The following SLIT2 variants were observed in gnomAD, a reference collection of about 807,000 sequenced individuals.
The protein encoded by SLIT2 is slit guidance ligand 2, also known as slit homolog 2 protein.
Under a neutral mutation model 185.7 loss-of-function variants are expected in SLIT2, and 41 were observed. That is an observed-to-expected ratio of 0.22 (90% CI 0.17 to 0.29). The LOEUF (loss-of-function observed/expected upper bound fraction) is 0.29, where lower values mean the gene tolerates loss of function less well. Among genes scored for constraint, SLIT2 ranks in the 10% least tolerant of loss-of-function variants. The pLI is 1.00. For synonymous variants in SLIT2, 693 were observed against 680.2 expected (o/e 1.02, Z -0.29); for missense variants, 1,571 against 1,909.0 (o/e 0.82, Z 3.30).
intron 29 of SLIT2, among the ~76,000 whole-genome samples, chr4:20,583,383 A>G (rs1382859088): frequency 1.3e-5 from 2 of 152,230 alleles, no homozygotes; most frequent in East Asian, 3.8e-4. Context: ...AGAGCTTTGT[A>G]GAATAGTTCT....
chr4:20,576,790 C>T (rs1372528635), intron 29 of SLIT2, among the ~76,000 whole-genome samples: 1 of 152,052 alleles, frequency 6.6e-6, no homozygotes, highest in Non-Finnish European at 1.5e-5. Context: ...CCATTGAGCC[C>T]AGAACAACAA....
At position 20,251,935 on chromosome 4, in the gene SLIT2, G is replaced by C. The variant is rs1233797451; in HGVS notation, c.-1881G>C. On this transcript the variant is annotated 5_prime_UTR_variant, in exon 1 of 37. Transcript: ENST00000504154. ...GTGTTATTTATTTGGGAAGCGCCCG[G>C]ACGGCGGAGCTTGGCGGCGGCGGTG... Among the ~76,000 whole-genome samples the C allele has an allele frequency of 6.6e-6, 1 of 152,162 alleles. No homozygotes were observed. Among genetic ancestry groups the C allele is most frequent in the Non-Finnish European group, 1.5e-5 (1 of 68,022 alleles).
At chr4:20,534,499 C>T (rs764247460) in intron 18 of SLIT2, among the ~76,000 whole-genome samples, 1 of 152,124 alleles carries the variant, frequency 6.6e-6, no homozygotes, top group Admixed American at 6.5e-5. Flanking sequence ...CATACAAACA[C>T]GCATATACAC....
chr4:20,395,093 G>T (rs1455633297), intron 4 of SLIT2, among the ~76,000 whole-genome samples: 1 of 151,968 alleles, frequency 6.6e-6, no homozygotes, highest in Non-Finnish European at 1.5e-5. Flanking sequence ...GATGGAAATA[G>T]ATTTACCTTA....
intron 4 of SLIT2, among the ~76,000 whole-genome samples, chr4:20,388,049 A>C (rs1317950012): frequency 6.6e-6 from 1 of 152,194 alleles, no homozygotes; most frequent in Non-Finnish European, 1.5e-5. Flanking sequence ...CCTTCATAAA[A>C]ATCTTCATGA....
rs1725181470 is a variant in SLIT2, at chr4:20,567,395, A to C, written c.2850+9A>C. ...GTCCATATGGTTTCAAGGTAAGTAA[A>C]AGCACTTTAAGAGTCACAGTTTGAG... On this transcript the variant is annotated intron_variant, in intron 27 of 36. Coordinates refer to ENST00000504154, the MANE Select transcript of SLIT2 (RefSeq NM_004787.4). The C allele has an allele frequency of 6.2e-7, 1 of 1,613,078 alleles. No individual in the cohort carries two copies. Among genetic ancestry groups the C allele is most frequent in the Non-Finnish European group, 8.5e-7 (1 of 1,179,360 alleles).
chr4:20,276,143 C>T (rs1364485841), intron 4 of SLIT2, among the ~76,000 whole-genome samples: 1 of 151,968 alleles, frequency 6.6e-6, no homozygotes, highest in Non-Finnish European at 1.5e-5. Flanking sequence ...TGTCAAAATC[C>T]AGTAAAAATT....
At chr4:20,532,822 T>A (rs1315909111) in intron 17 of SLIT2, among the ~76,000 whole-genome samples, 3 of 152,244 alleles carry the variant, frequency 2.0e-5, no homozygotes, top group Non-Finnish European at 4.4e-5. Flanking sequence ...TTCACTGTTA[T>A]GAAATGTACT....
chr4:20,505,692 A>G (rs1025645141), intron 9 of SLIT2, among the ~76,000 whole-genome samples: 13 of 152,116 alleles, frequency 8.5e-5, no homozygotes, highest in Non-Finnish European at 1.9e-4. Context: ...TGGCAGAATT[A>G]GACTTCATTG....
In SLIT2 at chr4:20,440,634, T is replaced by G. The variant is rs190210346; in HGVS notation, c.396-27118T>G. Among the ~76,000 whole-genome samples the G allele has an allele frequency of 1.6e-3, 243 of 152,350 alleles. 2 individuals carry two copies. The highest frequency in any genetic ancestry group is 1.3e-3 in the Non-Finnish European group (88 of 68,040). ...AATAATCTCATCTGTTTAATGACAT[T>G]GTTTAAACAAAATTACCTCTGAATT... is the stretch of plus-strand genomic sequence containing the variant. On this transcript the variant is annotated intron_variant, in intron 4 of 36. Coordinates refer to ENST00000504154, the MANE Select transcript of SLIT2 (RefSeq NM_004787.4).
chr4:20,513,230 G>C (rs188723278), intron 11 of SLIT2, among the ~76,000 whole-genome samples: 1 of 152,280 alleles, frequency 6.6e-6, no homozygotes, highest in East Asian at 1.9e-4. Context: ...TAAGTCACTG[G>C]GGTTTTTCCA....
intron 4 of SLIT2, among the ~76,000 whole-genome samples, chr4:20,334,205 G>A (rs1031195750): frequency 6.6e-6 from 1 of 152,112 alleles, no homozygotes; most frequent in Admixed American, 6.6e-5. Context: ...AACTTTGGAG[G>A]CCACAATCGT....
intron 34 of SLIT2, among the ~76,000 whole-genome samples, chr4:20,611,277 A>AT (rs960838094): frequency 6.6e-6 from 1 of 152,246 alleles, no homozygotes; most frequent in Admixed American, 6.5e-5. Context: ...AGCCTAGGAC[A>AT]TTTCTGTTTT....
intron 11 of SLIT2, among the ~76,000 whole-genome samples, chr4:20,518,083 GTA>G (rs533312464): frequency 7.5e-6 from 1 of 132,694 alleles, no homozygotes; most frequent in Admixed American, 7.6e-5. Context: ...ATATGTGTGT[GTA>G]TATATATATA....
intron 4 of SLIT2, among the ~76,000 whole-genome samples, chr4:20,273,141 A>G (rs2109037918): frequency 6.6e-6 from 1 of 152,226 alleles, no homozygotes; most frequent in East Asian, 1.9e-4. Flanking sequence ...TAACAAATAT[A>G]TATAATTAAG....
Position 20,253,467 on chromosome 4 carries a change from G to A in SLIT2, c.-349G>A. The A allele has an allele frequency of 3.2e-6, 1 of 308,710 alleles. No homozygotes were observed. The highest frequency in any genetic ancestry group is 4.7e-5 in the Admixed American group (1 of 21,474). 19.1% of individuals were successfully genotyped at this position (308,710 alleles called of 1,614,324 possible). A position where few individuals can be genotyped will look rare whatever the true frequency, so the allele number is the denominator to read the frequency against. On this transcript the variant is annotated 5_prime_UTR_variant, in exon 1 of 37. Transcript: ENST00000504154. ...CCCTGCATCTTAGCAGCCGTTGGAA[G>A]CCCCAGCTCTTTTACCGCCAAGTTC...
chr4:20,542,758 T>A, intron 21 of SLIT2, 132 bp downstream of exon 21: 1 of 982,150 alleles, frequency 1.0e-6, no homozygotes, highest in Non-Finnish European at 1.5e-6. Context: ...ATTATTATCC[T>A]GTAAAATGGT....
Position 20,518,494 on chromosome 4 carries a change from C to T in SLIT2, c.1059-888C>T, listed in dbSNP as rs541192586. ...ATCTCGATCTCCTGACCTCGTGATC[C>T]GCCGGCCTCGGCCTCCCAAAGTGCT... On this transcript the variant is annotated intron_variant, in intron 11 of 36. Coordinates refer to ENST00000504154, the MANE Select transcript of SLIT2 (RefSeq NM_004787.4). Among the ~76,000 whole-genome samples the T allele has an allele frequency of 2.2e-3, 267 of 123,466 alleles. 5 individuals carry two copies. In the South Asian group the frequency reaches 0.059, roughly 27 times the overall value. 81.0% of individuals were successfully genotyped at this position (123,466 alleles called of 152,430 possible).
chr4:20,290,714 A>G (rs1176817741), intron 4 of SLIT2, among the ~76,000 whole-genome samples: 2 of 149,848 alleles, frequency 1.3e-5, no homozygotes, highest in African/African-American at 4.9e-5. Flanking sequence ...TATGCGTTGA[A>G]TAAATGCTAA....
Sources: allele counts gnomAD v4.1 joint callset (sites outside exome capture counted in the v4.1 genomes callset), GRCh38; gene constraint gnomAD v4.1.1; transcripts MANE v1.5; gene names NCBI Gene and HGNC (gene_info 2026-07-23, HGNC 2026-07-21).